STPG2: variants seen among roughly 807,000 people sequenced by gnomAD.
STPG2 encodes sperm tail PG-rich repeat containing 2, also known as sperm-tail PG-rich repeat-containing protein 2.
In STPG2, 56 loss-of-function variants were observed where a neutral mutation model predicts 54.2. That is an observed-to-expected ratio of 1.03 (90% CI 0.83 to 1.29). The LOEUF (loss-of-function observed/expected upper bound fraction) is 1.29. STPG2 is among the 50% of genes most tolerant of loss of function. The pLI, the probability that STPG2 is intolerant of heterozygous loss-of-function variation, is 0.00. For missense variants in STPG2, 596 were observed against 544.9 expected, an observed-to-expected ratio of 1.09 and a Z score of -0.93; for synonymous variants, 200 against 181.8, an observed-to-expected ratio of 1.10 and a Z score of -0.81.
chr4:97,568,898 T>C (rs1004388986), intron 10 of STPG2, among the ~76,000 whole-genome samples: 5 of 131,274 alleles, frequency 3.8e-5, no homozygotes, highest in African/African-American at 1.4e-4. Flanking sequence ...GTTTTTTGTT[T>C]TGTTTTTTTT....
chr4:97,907,252 G>A (rs1173035715), intron 8 of STPG2, among the ~76,000 whole-genome samples: 1 of 150,926 alleles, frequency 6.6e-6, no homozygotes, highest in Non-Finnish European at 1.5e-5. Context: ...AATCATGAGT[G>A]AACTCCCATT....
intron 9 of STPG2, among the ~76,000 whole-genome samples, chr4:97,755,016 A>T (rs1405682810): frequency 1.3e-5 from 2 of 152,170 alleles, no homozygotes; most frequent in Admixed American, 1.3e-4. Context: ...AACGAGGTCA[A>T]ATAAAGCAAA....
intron 10 of STPG2, among the ~76,000 whole-genome samples, chr4:97,657,857 G>A (rs78434504): frequency 0.015 from 2,301 of 152,224 alleles, 54 homozygotes; most frequent in African/African-American, 0.051. Flanking sequence ...CTAAAATAAT[G>A]AAAACCTCAT....
chr4:97,472,393 A>G (rs145923846), intron 4 of STPG2, among the ~76,000 whole-genome samples: 13 of 152,316 alleles, frequency 8.5e-5, no homozygotes, highest in Non-Finnish European at 1.9e-4. Context: ...CTCACAGTGA[A>G]TATTGAAGAA....
intron 3 of STPG2, among the ~76,000 whole-genome samples, chr4:98,119,126 T>G (rs565227666): frequency 6.6e-6 from 1 of 152,278 alleles, no homozygotes; most frequent in East Asian, 1.9e-4. Flanking sequence ...TGATGAGGAA[T>G]GAAATATCTA....
At position 97,597,331 on chromosome 4, in the gene STPG2, A is replaced by G. The variant is rs1438179462; in HGVS notation, c.1321-38214T>C. On this transcript the variant is annotated intron_variant, in intron 10 of 10. Coordinates refer to ENST00000295268, the MANE Select transcript of STPG2 (RefSeq NM_174952.3). ...CACAGCCAAATCCTACCAGATGTATAAGAAAGAGCTGATACCATTCCTACC... is the reference window on the plus strand; with the variant it reads ...CACAGCCAAATCCTACCAGATGTATGAGAAAGAGCTGATACCATTCCTACC... 2.0e-5 allele frequency among the ~76,000 whole-genome samples: 3 copies of G among 152,134 alleles called. No individual in the cohort carries two copies. The East Asian group carries it at 5.8e-4, about 29-fold the overall frequency.
chr4:97,653,828 G>A (rs1182544429), intron 10 of STPG2, among the ~76,000 whole-genome samples: 2 of 152,124 alleles, frequency 1.3e-5, no homozygotes, highest in Non-Finnish European at 2.9e-5. Flanking sequence ...AATGGCAGGG[G>A]AGGGAAAGTG....
At chr4:97,886,680 T>C (rs111273270) in intron 8 of STPG2, among the ~76,000 whole-genome samples, 3,468 of 152,328 alleles carry the variant, frequency 0.023, 81 homozygotes, top group African/African-American at 0.065. Flanking sequence ...ATCAATCTGC[T>C]TTTTAGGTAA....
rs1406654394 is a variant in STPG2, at chr4:98,046,560, C to A, written c.612+59393G>T. On this transcript the variant is annotated intron_variant, in intron 5 of 10. Coordinates refer to ENST00000295268, the MANE Select transcript of STPG2 (RefSeq NM_174952.3). The stretch of plus-strand genomic sequence containing the variant: ...ATCTCATCTTTGCTCTTACCGTCCC[C>A]CAGGAGATTAGGGTGTGCCAAGCCC... Among the ~76,000 whole-genome samples the A allele has an allele frequency of 2.6e-5, 4 of 152,090 alleles. No individual in the cohort carries two copies. The East Asian group carries it at 7.7e-4, about 29-fold the overall frequency.
At chr4:98,106,668 A>G (rs1442427812) in intron 4 of STPG2, among the ~76,000 whole-genome samples, 1 of 152,188 alleles carries the variant, frequency 6.6e-6, no homozygotes, top group African/African-American at 2.4e-5. Context: ...TCTAAGCTTC[A>G]GATTCATCAC....
At chr4:97,709,607 G>T (rs2149005043) in intron 10 of STPG2, among the ~76,000 whole-genome samples, 1 of 151,572 alleles carries the variant, frequency 6.6e-6, no homozygotes, top group South Asian at 2.1e-4. Flanking sequence ...TAAATTCATT[G>T]AAGTTTCTTC....
chr4:97,484,439 C>G (rs116488783), intron 4 of STPG2, among the ~76,000 whole-genome samples: 1 of 151,404 alleles, frequency 6.6e-6, no homozygotes, highest in African/African-American at 2.4e-5. Context: ...AAAACTTTTA[C>G]GCACATCAAG....
intron 7 of STPG2, among the ~76,000 whole-genome samples, chr4:97,965,759 C>A (rs774503828): frequency 1.3e-5 from 2 of 152,160 alleles, no homozygotes; most frequent in Non-Finnish European, 2.9e-5. Context: ...CTCCAACAGA[C>A]CTGCAGCTGA....
intron 7 of STPG2, among the ~76,000 whole-genome samples, chr4:97,955,494 T>G (rs1035443194): frequency 6.6e-6 from 1 of 152,082 alleles, no homozygotes; most frequent in Non-Finnish European, 1.5e-5. Flanking sequence ...GGATTACAGG[T>G]GTGAGCCACC....
intron 6 of STPG2, among the ~76,000 whole-genome samples, chr4:97,980,801 T>TA (rs1734649674): frequency 1.3e-5 from 2 of 151,964 alleles, no homozygotes; most frequent in African/African-American, 4.8e-5. Context: ...ACCTCTGAAA[T>TA]AAAAAAGTTT....
At chr4:98,012,010 C>T (rs182812609) in intron 5 of STPG2, among the ~76,000 whole-genome samples, 202 of 152,206 alleles carry the variant, frequency 1.3e-3, no homozygotes, top group African/African-American at 4.4e-3. Flanking sequence ...TTGGCATTTT[C>T]GTCATGAAAT....
intron 7 of STPG2, among the ~76,000 whole-genome samples, chr4:97,958,931 T>A (rs889659890): frequency 6.6e-6 from 1 of 152,158 alleles, no homozygotes; most frequent in Non-Finnish European, 1.5e-5. Context: ...ATTCTATTCA[T>A]CAGCACATGC....
At chr4:97,769,167 C>G (rs1429796704) in intron 9 of STPG2, among the ~76,000 whole-genome samples, 1 of 152,178 alleles carries the variant, frequency 6.6e-6, no homozygotes, top group African/African-American at 2.4e-5. Flanking sequence ...ATGGTTTGTT[C>G]AGTCAGTTGG....
At chr4:97,762,783 A>T (rs1725925987) in intron 9 of STPG2, among the ~76,000 whole-genome samples, 1 of 152,184 alleles carries the variant, frequency 6.6e-6, no homozygotes, top group African/African-American at 2.4e-5. Context: ...ATTTCCTGAG[A>T]TATTACTATC....
Sources: allele counts gnomAD v4.1 joint callset (sites outside exome capture counted in the v4.1 genomes callset), GRCh38; gene constraint gnomAD v4.1.1; transcripts MANE v1.5; gene names NCBI Gene and HGNC (gene_info 2026-07-23, HGNC 2026-07-21).